CCN4: variants seen among roughly 807,000 people sequenced by gnomAD.
The protein encoded by CCN4 is CCN family member 4.
In CCN4, 30 loss-of-function variants were observed where a neutral mutation model predicts 36.7. The observed-to-expected ratio is 0.82, with a 90% CI of 0.61 to 1.11. The LOEUF is 1.11. CCN4 is among the 50% of genes least tolerant of loss of function. CCN4 has a pLI of 0.00. For synonymous variants in CCN4, 191 were observed against 195.4 expected (o/e 0.98, Z 0.19); for missense variants, 505 against 504.9 (o/e 1.00, Z 0.00).
intron 2 of CCN4, among the ~76,000 whole-genome samples, chr8:133,220,010 C>T (rs868147646): frequency 6.6e-6 from 1 of 152,004 alleles, no homozygotes; most frequent in African/African-American, 2.4e-5. Flanking sequence ...GCCCAACTCC[C>T]CCTCCCTGCT....
chr8:133,223,739 T>A (rs911074502), intron 3 of CCN4, among the ~76,000 whole-genome samples: 5 of 152,118 alleles, frequency 3.3e-5, no homozygotes, highest in Non-Finnish European at 7.4e-5. Flanking sequence ...TGTCTGCCTG[T>A]TCCCTCCTCT....
intron 1 of CCN4, among the ~76,000 whole-genome samples, chr8:133,198,456 CT>C (rs1432471580): frequency 6.6e-6 from 1 of 152,216 alleles, no homozygotes; most frequent in Non-Finnish European, 1.5e-5. Context: ...GGCCCTCTCC[CT>C]GCTCTTCCTA....
chr8:133,217,936 C>CCACACACACACACGCACACACACACA lies in CCN4; in HGVS notation c.350-2632_350-2631insGCACACACACACACACACACACACAC, dbSNP rs56318195. The stretch of plus-strand genomic sequence containing the variant: ...TTCCGGGCTTAGCCCACTCCCTTCT[C>CCACACACACACACGCACACACACACA]CACACACACACACACACACACACAC... On this transcript the variant is annotated intron_variant, in intron 2 of 4. Transcript: ENST00000250160. Among the ~76,000 whole-genome samples, 953 of 144,508 alleles carry CCACACACACACACGCACACACACACA rather than the reference C, an allele frequency of 6.6e-3. 7 individuals are homozygous for CCACACACACACACGCACACACACACA. Among genetic ancestry groups the CCACACACACACACGCACACACACACA allele is most frequent in the Non-Finnish European group, 0.01 (681 of 66,948 alleles). The allele number at this position is 144,508 out of a possible 152,430, so 94.8% of individuals were successfully genotyped here.
Position 133,227,857 on chromosome 8 carries a change from C to T in CCN4, c.*147C>T, listed in dbSNP as rs1403860255. 3 of 852,478 alleles carry T rather than the reference C, an allele frequency of 3.5e-6. No homozygotes were observed. The highest frequency in any genetic ancestry group is 5.3e-6 in the Non-Finnish European group (3 of 565,056). The allele number at this position is 852,478 out of a possible 1,614,324, so 52.8% of individuals were successfully genotyped here. On this transcript the variant is annotated 3_prime_UTR_variant, in exon 5 of 5. Coordinates refer to ENST00000250160, the MANE Select transcript of CCN4 (RefSeq NM_003882.4). ...TCTGTCTCTAACCATTCAAATGACG[C>T]CTGATGGTGCTGCTCAGGCCCATGC...
At chr8:133,214,621 C>A (rs938160275) in intron 2 of CCN4, among the ~76,000 whole-genome samples, 6 of 152,050 alleles carry the variant, frequency 3.9e-5, no homozygotes, top group Admixed American at 3.3e-4. Flanking sequence ...AACTTTCTGA[C>A]CCCCTGCTTC....
In CCN4 at chr8:133,227,560, C is replaced by T. The variant is rs765459228; in HGVS notation, c.954C>T (p.Ile318=). 6.2e-6 allele frequency: 10 copies of T among 1,614,116 alleles called. No individual in the cohort carries two copies. Among genetic ancestry groups the T allele is most frequent in the African/African-American group, 5.3e-5 (4 of 74,934 alleles). The change falls in exon 5 of 5, where the codon ATC becomes ATT. Residue 318 remains isoleucine, a synonymous_variant. Coordinates refer to ENST00000250160, the MANE Select transcript of CCN4 (RefSeq NM_003882.4). ...RCCIPYKSKT[I]DVSFQCPDGL... is the part of the protein sequence containing the mutation. ...GCATCCCCTACAAGTCTAAGACTATCGACGTGTCCTTCCAGTGTCCTGATG... is the reference window on the plus strand; with the variant it reads ...GCATCCCCTACAAGTCTAAGACTATTGACGTGTCCTTCCAGTGTCCTGATG...
chr8:133,225,876 A>G (rs980971454), intron 4 of CCN4, among the ~76,000 whole-genome samples: 7 of 152,070 alleles, frequency 4.6e-5, no homozygotes, highest in Non-Finnish European at 1.0e-4. Flanking sequence ...AGGGATCCTT[A>G]CCAATTTCCA....
chr8:133,196,944 G>A (rs1328642434), intron 1 of CCN4, among the ~76,000 whole-genome samples: 1 of 152,192 alleles, frequency 6.6e-6, no homozygotes, highest in Non-Finnish European at 1.5e-5. Context: ...GCAGACTAAT[G>A]GGCAGGCTGT....
At chr8:133,223,899 A>G (rs535185078) in intron 3 of CCN4, among the ~76,000 whole-genome samples, 4 of 152,302 alleles carry the variant, frequency 2.6e-5, no homozygotes, top group Admixed American at 2.6e-4. Context: ...GTTAGAGAGC[A>G]CTTACTATCT....
Position 133,231,622 on chromosome 8 carries a change from G to C in CCN4, c.*3912G>C, listed in dbSNP as rs1233629834. 1 of 152,166 alleles carries C rather than the reference G, an allele frequency of 6.6e-6. No homozygotes were observed. Among genetic ancestry groups the C allele is most frequent in the African/African-American group, 2.4e-5 (1 of 41,438 alleles). 9.4% of individuals were successfully genotyped at this position (152,166 alleles called of 1,614,324 possible). On this transcript the variant is annotated 3_prime_UTR_variant, in exon 5 of 5. Coordinates refer to ENST00000250160, the MANE Select transcript of CCN4 (RefSeq NM_003882.4). ...CATACTGGAGTTGGTGGCTTTTCTTGTACAGGCAGTTGTTATGAGACAATG... is the reference window on the plus strand; with the variant it reads ...CATACTGGAGTTGGTGGCTTTTCTTCTACAGGCAGTTGTTATGAGACAATG...
At chr8:133,222,693 A>T (rs1402209427) in intron 3 of CCN4, among the ~76,000 whole-genome samples, 1 of 151,772 alleles carries the variant, frequency 6.6e-6, no homozygotes, top group African/African-American at 2.4e-5. Context: ...ATCTGATGCC[A>T]TGGCAGGCAG....
Position 133,227,831 on chromosome 8 carries a change from T to G in CCN4, c.*121T>G. 1.8e-6 allele frequency: 2 copies of G among 1,130,426 alleles called. No individual in the cohort carries two copies. The highest frequency in any genetic ancestry group is 3.2e-5 in the South Asian group (2 of 62,420). 70.0% of individuals were successfully genotyped at this position (1,130,426 alleles called of 1,614,324 possible). Reference sequence around the variant, plus strand: ...CCTGATCTGGACCCTTGGCCTCCATTTCTGTCTCTAACCATTCAAATGACG... The same window carrying G: ...CCTGATCTGGACCCTTGGCCTCCATGTCTGTCTCTAACCATTCAAATGACG... On this transcript the variant is annotated 3_prime_UTR_variant, in exon 5 of 5. Transcript: ENST00000250160.
chr8:133,208,695 C>T (rs1277357381), intron 1 of CCN4, among the ~76,000 whole-genome samples: 1 of 152,128 alleles, frequency 6.6e-6, no homozygotes, highest in Admixed American at 6.5e-5. Flanking sequence ...CCTGCTTCCT[C>T]ACTGATCTAT....
At chr8:133,221,869 A>G (rs1339477827) in intron 3 of CCN4, among the ~76,000 whole-genome samples, 5 of 151,486 alleles carry the variant, frequency 3.3e-5, no homozygotes, top group Admixed American at 1.3e-4. Context: ...GGATGGATAG[A>G]TGATGGACAA....
intron 1 of CCN4, 65 bp downstream of exon 1, chr8:133,191,278 T>G: frequency 1.3e-6 from 2 of 1,514,974 alleles, no homozygotes; most frequent in Non-Finnish European, 1.8e-6. Context: ...TCCTGCTACA[T>G]GGGGGCTGGT....
intron 3 of CCN4, among the ~76,000 whole-genome samples, chr8:133,223,875 C>T (rs1443364355): frequency 6.6e-6 from 1 of 152,144 alleles, no homozygotes; most frequent in Non-Finnish European, 1.5e-5. Flanking sequence ...CCACCATTTT[C>T]CGTTTTTCAG....
Position 133,213,087 on chromosome 8 carries a change from G to A in CCN4, c.293G>A (p.Gly98Asp). The A allele has an allele frequency of 6.2e-7, 1 of 1,614,070 alleles. No individual in the cohort carries two copies. Residue 98 changes from glycine to aspartate, a missense_variant, in exon 2 of 5, where the codon GGC (glycine) becomes GAC (aspartate). Transcript: ENST00000250160. ...TEAAICDPHR[G>D]LYCDYSGDRP... ...GCTGCCATCTGTGACCCCCACCGGG[G>A]CCTCTACTGTGACTACAGCGGGGAC...
At chr8:133,207,288 G>C (rs1056372454) in intron 1 of CCN4, among the ~76,000 whole-genome samples, 1 of 152,222 alleles carries the variant, frequency 6.6e-6, no homozygotes, top group Non-Finnish European at 1.5e-5. Context: ...TGGACTTCAG[G>C]GGAGAAGCAG....
intron 1 of CCN4, among the ~76,000 whole-genome samples, chr8:133,208,140 GAAT>G: frequency 6.6e-6 from 1 of 152,182 alleles, no homozygotes; most frequent in East Asian, 1.9e-4. Context: ...TGTTAAATGG[GAAT>G]AATAATACCA....
Sources: allele counts gnomAD v4.1 joint callset (sites outside exome capture counted in the v4.1 genomes callset), GRCh38; gene constraint gnomAD v4.1.1; transcripts MANE v1.5; gene names NCBI Gene and HGNC (gene_info 2026-07-23, HGNC 2026-07-21).